Variants in NCOR1 observed in about 807,000 individuals in gnomAD.
NCOR1 encodes the protein nuclear receptor corepressor 1, also known as protein phosphatase 1, regulatory subunit 109.
A neutral mutation model predicts 288.1 loss-of-function variants in NCOR1; 63 were observed. That is an observed-to-expected ratio of 0.22 (90% CI 0.18 to 0.27). The LOEUF (loss-of-function observed/expected upper bound fraction) is 0.27, where lower values mean the gene tolerates loss of function less well. Ranked by LOEUF, NCOR1 falls within the 10% of genes least tolerant of loss-of-function variation. The pLI, the probability that NCOR1 is intolerant of heterozygous loss-of-function variation, is 1.00. For synonymous variants in NCOR1, 1,007 were observed against 1,065.9 expected (o/e 0.94, Z 1.08); for missense variants, 2,397 against 3,019.2 (o/e 0.79, Z 4.83).
At chr17:16,124,151 T>C (rs1021911961) in intron 15 of NCOR1, among the ~76,000 whole-genome samples, 8 of 152,180 alleles carry the variant, frequency 5.3e-5, no homozygotes, top group East Asian at 1.9e-4. Context: ...TTTTAAAACA[T>C]GGCAAGTGAC....
intron 40 of NCOR1, among the ~76,000 whole-genome samples, chr17:16,056,810 T>C (rs1011474701): frequency 6.6e-6 from 1 of 152,126 alleles, no homozygotes; most frequent in Non-Finnish European, 1.5e-5. Flanking sequence ...ATGATGCCAC[T>C]ATTGGCTTCC....
chr17:16,095,038 G>A (rs546402803), intron 21 of NCOR1, among the ~76,000 whole-genome samples: 2 of 151,624 alleles, frequency 1.3e-5, no homozygotes, highest in East Asian at 3.9e-4. Flanking sequence ...CGTCTGGGAT[G>A]TGAGGAGCCC....
At chr17:16,060,476 G>C (rs2152572308) in intron 37 of NCOR1, among the ~76,000 whole-genome samples, 1 of 152,234 alleles carries the variant, frequency 6.6e-6, no homozygotes, top group South Asian at 2.1e-4. Flanking sequence ...GCAATTTTCT[G>C]CATGCAGAAA....
intron 21 of NCOR1, among the ~76,000 whole-genome samples, chr17:16,095,644 C>T (rs1209500092): frequency 4.7e-5 from 3 of 63,474 alleles, no homozygotes; most frequent in East Asian, 9.2e-4. Context: ...CCCGGCCAGC[C>T]GCCCCGTCCG....
At chr17:16,127,180 T>C (rs894042835) in intron 14 of NCOR1, among the ~76,000 whole-genome samples, 1 of 143,868 alleles carries the variant, frequency 7.0e-6, no homozygotes, top group Non-Finnish European at 1.5e-5. Context: ...TGTATGTATA[T>C]ATCTGTATGT....
chr17:16,113,251 CAA>C (rs764606827), intron 18 of NCOR1, among the ~76,000 whole-genome samples: 2 of 135,230 alleles, frequency 1.5e-5, no homozygotes, highest in Admixed American at 7.5e-5. Flanking sequence ...AACCATTTTC[CAA>C]AAAAAAAAAA....
chr17:16,049,604 CAG>C (rs1472656833), intron 40 of NCOR1, among the ~76,000 whole-genome samples: 4 of 148,460 alleles, frequency 2.7e-5, no homozygotes, highest in African/African-American at 7.5e-5. Context: ...TTTTTTGAGA[CAG>C]AGTCTGGCTT....
chr17:16,034,725 T>C (rs1340714484), intron 45 of NCOR1, 40 bp downstream of exon 45: 11 of 1,526,636 alleles, frequency 7.2e-6, no homozygotes, highest in Admixed American at 3.9e-5. Flanking sequence ...ATTGATATTA[T>C]TGCTCTGTCT....
chr17:16,111,373 G>A (rs963804384), intron 18 of NCOR1, among the ~76,000 whole-genome samples: 3 of 152,116 alleles, frequency 2.0e-5, no homozygotes, highest in African/African-American at 7.2e-5. Flanking sequence ...AGGCCAAGGC[G>A]GGCAGATAAC....
At chr17:16,175,077 T>C (rs976012181) in intron 3 of NCOR1, among the ~76,000 whole-genome samples, 1 of 151,090 alleles carries the variant, frequency 6.6e-6, no homozygotes, top group Non-Finnish European at 1.5e-5. Flanking sequence ...CATAAAGAAA[T>C]CTTTGTAGGG....
chr17:16,163,846 T>C (rs1044877267), intron 5 of NCOR1, among the ~76,000 whole-genome samples: 3 of 152,170 alleles, frequency 2.0e-5, no homozygotes, highest in African/African-American at 4.8e-5. Flanking sequence ...TGACACAAGA[T>C]ACGACATGGA....
At chr17:16,101,171 T>C in intron 20 of NCOR1, 79 bp downstream of exon 20, 1 of 1,419,672 alleles carries the variant, frequency 7.0e-7, no homozygotes, top group South Asian at 1.4e-5. Context: ...AGGAGACATG[T>C]CTGCAGCCAG....
At position 16,171,630 on chromosome 17, in the gene NCOR1, T is replaced by A. The variant is rs187830317; in HGVS notation, c.435+173A>T. ...AAGGCAAAAGTGCTCACTTTAGCAG[T>A]CTGGAGCACTCATCTGTGGTTTCTA... On this transcript the variant is annotated intron_variant, in intron 4 of 45. Transcript: ENST00000268712. Among the ~76,000 whole-genome samples the A allele has an allele frequency of 8.5e-5, 13 of 152,302 alleles. No homozygotes were observed. In the East Asian group the frequency reaches 2.5e-3, roughly 29 times the overall value.
At chr17:16,168,873 A>C (rs1476343943) in intron 4 of NCOR1, among the ~76,000 whole-genome samples, 2 of 151,618 alleles carry the variant, frequency 1.3e-5, no homozygotes, top group East Asian at 3.9e-4. Context: ...CGGGAGGCTG[A>C]GGCAGGAGAA....
rs1040588253 is a variant in NCOR1 at position 16,113,951 on chromosome 17, A to G, written c.2055+3937T>C. ...TATCTTACGTTTGGTATATTAAAAA[A>G]ACATTATCAATCTTTTATCAATGCA... is the stretch of plus-strand genomic sequence containing the variant. On this transcript the variant is annotated intron_variant, in intron 18 of 45. Coordinates refer to ENST00000268712, the MANE Select transcript of NCOR1 (RefSeq NM_006311.4). Among the ~76,000 whole-genome samples the G allele has an allele frequency of 2.0e-5, 3 of 152,088 alleles. No homozygotes were observed. In the East Asian group the frequency reaches 5.8e-4, roughly 29 times the overall value.
At position 16,052,027 on chromosome 17, in the gene NCOR1, G is replaced by A. The variant is rs183350315; in HGVS notation, c.6393-3039C>T. ...CAGGATCTGGTTTTTGTTTTGTTTT[G>A]AGATGGAGTCTCGCTTTGTCGCCCA... On this transcript the variant is annotated intron_variant, in intron 40 of 45. Coordinates refer to ENST00000268712, the MANE Select transcript of NCOR1 (RefSeq NM_006311.4). Among the ~76,000 whole-genome samples the A allele has an allele frequency of 1.9e-3, 293 of 152,178 alleles. 3 individuals are homozygous for A. The highest frequency in any genetic ancestry group is 6.6e-3 in the African/African-American group (273 of 41,542).
In NCOR1 at chr17:16,064,140, C is replaced by T. The variant is rs1204491653; in HGVS notation, c.5149G>A (p.Glu1717Lys). 6.2e-7 allele frequency: 1 copy of T among 1,614,168 alleles called. No homozygotes were observed. Among genetic ancestry groups the T allele is most frequent in the Non-Finnish European group, 8.5e-7 (1 of 1,180,020 alleles). The change falls in exon 35 of 46, where the codon GAA becomes AAA. Residue 1717 changes from glutamate (E) to lysine (K), a missense_variant. Transcript: ENST00000268712. Reference sequence around the variant, plus strand: ...TCCCGCTCCTTCTCCCGCTCCCGTTCCCGTTCCCTCTCAGCACTTGCAGCA... The same window carrying T: ...TCCCGCTCCTTCTCCCGCTCCCGTTTCCGTTCCCTCTCAGCACTTGCAGCA... ...AAAASAERER[E>K]REREKERERE...
At position 16,153,406 on chromosome 17, in the gene NCOR1, A is replaced by C; in HGVS notation, c.733-11T>G. On this transcript the variant is annotated splice_polypyrimidine_tract_variant and intron_variant, in intron 6 of 45. Coordinates refer to ENST00000268712, the MANE Select transcript of NCOR1 (RefSeq NM_006311.4). ...TTCTTCTGCTTTTTTCTAGAGATAA[A>C]GACATTGTTGTATCATATAATTAAA... 6.4e-7 allele frequency: 1 copy of C among 1,568,770 alleles called. No individual in the cohort carries two copies. The highest frequency in any genetic ancestry group is 8.7e-7 in the Non-Finnish European group (1 of 1,148,764).
rs1299926374 is a variant in NCOR1, at chr17:16,158,762, G to A, written c.730C>T (p.Arg244Trp). 1.2e-6 allele frequency: 2 copies of A among 1,607,046 alleles called. No individual in the cohort carries two copies. Among genetic ancestry groups the A allele is most frequent in the Non-Finnish European group, 1.7e-6 (2 of 1,173,880 alleles). The change falls in exon 6 of 46, where the codon CGG becomes TGG. Residue 244 changes from arginine (R) to tryptophan (W), a missense_variant and splice_region_variant. Arg to Trp is a moderately radical substitution (Grantham distance 101). This residue lies in a region of NCOR1 where 76 missense variants were observed against 102.2 expected (regional missense o/e 0.74). Coordinates refer to ENST00000268712, the MANE Select transcript of NCOR1 (RefSeq NM_006311.4). Reference sequence around the variant, plus strand: ...TGCCAGAGATGGTATGAGCTTACCCGATTCTCATCATAAATAATTTGGACA... The same window carrying A: ...TGCCAGAGATGGTATGAGCTTACCCAATTCTCATCATAAATAATTTGGACA... ...SIVQIIYDENRKKAEEAHKIF... is the reference protein window; with the variant it reads ...SIVQIIYDENWKKAEEAHKIF...
Sources: gnomAD v4.1 joint callset for allele counts (sites outside exome capture counted in the v4.1 genomes callset) on GRCh38, gnomAD v4.1.1 for gene constraint, gnomAD v4.1.1 regional missense constraint, MANE v1.5 for transcripts, NCBI Gene and HGNC (gene_info 2026-07-23, HGNC 2026-07-21) for gene names.